Variants in DCHS2 observed in about 807,000 individuals in gnomAD.
The protein encoded by DCHS2 is protocadherin-23.
Under a neutral mutation model 182.4 loss-of-function variants are expected in DCHS2, and 142 were observed. The observed-to-expected ratio is 0.78, with a 90% CI of 0.68 to 0.89. The LOEUF (loss-of-function observed/expected upper bound fraction) is 0.89, where lower values mean the gene tolerates loss of function less well. Among genes scored for constraint, DCHS2 ranks in the 40% least tolerant of loss-of-function variants. The pLI is 0.00. For synonymous variants in DCHS2, 1,740 were observed against 1,663.3 expected (o/e 1.05, Z -1.12); for missense variants, 4,319 against 4,198.6 (o/e 1.03, Z -0.79).
intron 9 of DCHS2, among the ~76,000 whole-genome samples, chr4:154,318,246 T>C (rs1472826988): frequency 1.5e-4 from 22 of 151,244 alleles, no homozygotes; most frequent in Admixed American, 1.5e-3. Flanking sequence ...AGTATATACA[T>C]ATATACATAT....
intron 1 of DCHS2, among the ~76,000 whole-genome samples, chr4:154,422,281 A>T (rs767941958): frequency 2.0e-5 from 3 of 152,144 alleles, no homozygotes; most frequent in Non-Finnish European, 4.4e-5. Flanking sequence ...CATTCATCTG[A>T]GCTGTAGTAC....
Position 154,298,274 on chromosome 4 carries a change from T to C in DCHS2, c.6040A>G (p.Ile2014Val), listed in dbSNP as rs776652948. ...ACAGTGGTGCTTCGTGAACCCTGGA[T>C]GCTACAGTCTCTGGCCACAGCACTA... ...TFSAVARDCSIQGSRSTTVII... is the reference protein window; with the variant it reads ...TFSAVARDCSVQGSRSTTVII... The change falls in exon 13 of 20, where the codon ATC (isoleucine) becomes GTC (valine). Residue 2014 changes from isoleucine to valine, a missense_variant. Coordinates refer to ENST00000357232, the MANE Select transcript of DCHS2 (RefSeq NM_001358235.2). 3.7e-6 allele frequency: 6 copies of C among 1,614,208 alleles called. No individual in the cohort carries two copies. In the Admixed American group the frequency reaches 1.0e-4, roughly 27 times the overall value.
Position 154,489,382 on chromosome 4 carries a change from G to T in DCHS2, c.1974C>A (p.Asp658Glu). The T allele has an allele frequency of 6.4e-7, 1 of 1,551,452 alleles. No homozygotes were observed. Among genetic ancestry groups the T allele is most frequent in the Non-Finnish European group, 8.7e-7 (1 of 1,146,812 alleles). The change falls in exon 1 of 20, where the codon GAC becomes GAA. Residue 658 changes from aspartate to glutamate, a missense_variant. By Grantham distance (45) the Asp-to-Glu change is conservative (BLOSUM62 2). Coordinates refer to ENST00000357232, the MANE Select transcript of DCHS2 (RefSeq NM_001358235.2). ...LVSITVDDVN[D>E]NEPIFWRQVY... ...CCTGCCTCCAGAAGATGGGCTCATT[G>T]TCATTCACATCATCTACGGTGATGC...
At chr4:154,442,073 T>A (rs1734041093) in intron 1 of DCHS2, among the ~76,000 whole-genome samples, 1 of 152,158 alleles carries the variant, frequency 6.6e-6, no homozygotes, top group South Asian at 2.1e-4. Context: ...CATCATTATA[T>A]CATCGTCATC....
intron 13 of DCHS2, among the ~76,000 whole-genome samples, chr4:154,277,890 A>C (rs188346239): frequency 1.3e-5 from 2 of 152,026 alleles, no homozygotes; most frequent in Non-Finnish European, 2.9e-5. Flanking sequence ...AAAATAAAAA[A>C]ATTAGCTGGG....
At chr4:154,438,316 G>A (rs1053576961) in intron 1 of DCHS2, among the ~76,000 whole-genome samples, 1 of 152,178 alleles carries the variant, frequency 6.6e-6, no homozygotes, top group Non-Finnish European at 1.5e-5. Flanking sequence ...AATGGCAAGC[G>A]ATGCCCAAGA....
chr4:154,491,172 A>T lies in DCHS2; in HGVS notation c.184T>A (p.Ser62Thr). Residue 62 changes from serine to threonine, a missense_variant, in exon 1 of 20, where the codon TCC (serine) becomes ACC (threonine). Physicochemically the swap from Ser to Thr is moderately conservative, Grantham distance 58. Coordinates refer to ENST00000357232, the MANE Select transcript of DCHS2 (RefSeq NM_001358235.2). The stretch of plus-strand genomic sequence containing the variant: ...GTGAGGTTGAACAACTGGGCAGAGG[A>T]GCCCGAGGCCGCCCACAGCCACACG... Reference protein sequence around the residue: ...VHVWLWAASGSSAQLFNLTLS... With the variant: ...VHVWLWAASGTSAQLFNLTLS... 6.4e-7 allele frequency: 1 copy of T among 1,551,258 alleles called. No individual in the cohort carries two copies. The highest frequency in any genetic ancestry group is 8.7e-7 in the Non-Finnish European group (1 of 1,146,868).
chr4:154,302,420 A>T (rs952673559), intron 12 of DCHS2, among the ~76,000 whole-genome samples: 14 of 151,720 alleles, frequency 9.2e-5, no homozygotes, highest in Non-Finnish European at 1.9e-4. Context: ...CTCCCCTTAC[A>T]CACCTCACTC....
At chr4:154,367,228 T>C (rs1054816322) in intron 2 of DCHS2, among the ~76,000 whole-genome samples, 2 of 151,938 alleles carry the variant, frequency 1.3e-5, no homozygotes, top group South Asian at 2.1e-4. Context: ...AGCACAAGAG[T>C]GGCCTGATTT....
intron 12 of DCHS2, among the ~76,000 whole-genome samples, chr4:154,302,831 T>TAA (rs1735260461): frequency 6.8e-6 from 1 of 147,296 alleles, no homozygotes; most frequent in South Asian, 2.1e-4. Context: ...TATATACTTA[T>TAA]ATATATACAC....
intron 13 of DCHS2, among the ~76,000 whole-genome samples, chr4:154,282,981 TAGAAAC>T (rs1048276378): frequency 2.4e-4 from 37 of 152,254 alleles, no homozygotes; most frequent in African/African-American, 8.9e-4. Flanking sequence ...AATAGACTCT[TAGAAAC>T]AGAAAGTAGA....
chr4:154,251,164 C>T (rs1732335252), intron 16 of DCHS2, among the ~76,000 whole-genome samples: 1 of 152,200 alleles, frequency 6.6e-6, no homozygotes, highest in Non-Finnish European at 1.5e-5. Flanking sequence ...TTCTCCCAGT[C>T]ATAATGAGCA....
intron 1 of DCHS2, among the ~76,000 whole-genome samples, chr4:154,417,043 GC>G (rs555980567): frequency 1.2e-3 from 180 of 152,092 alleles, no homozygotes; most frequent in Non-Finnish European, 2.3e-3. Context: ...ACTAGGAGCT[GC>G]AACTACAACC....
intron 5 of DCHS2, chr4:154,331,864 T>C (rs77300771): frequency 0.034 from 25,910 of 772,548 alleles, 1,327 homozygotes; most frequent in African/African-American, 0.19. Context: ...CGTAAACTTA[T>C]ACAACATAAA....
rs1442573140 is a variant in DCHS2 at position 154,298,401 on chromosome 4, A to G, written c.5913T>C (p.Phe1971=). 1 of 1,614,200 alleles carries G rather than the reference A, an allele frequency of 6.2e-7. No homozygotes were observed. The highest frequency in any genetic ancestry group is 8.5e-7 in the Non-Finnish European group (1 of 1,180,022). Residue 1971 remains phenylalanine, a synonymous_variant, in exon 13 of 20, where the codon TTT becomes TTC. Coordinates refer to ENST00000357232, the MANE Select transcript of DCHS2 (RefSeq NM_001358235.2). ...ATGCACCAGAAGCCTCATCAGTCAG[A>G]AAATACTCAGTTTGCCCATTCAGGC... is the stretch of plus-strand genomic sequence containing the variant. ...DEGLNGQTEY[F]LTDEASGAFT...
At chr4:154,415,109 A>C (rs748495711) in intron 1 of DCHS2, among the ~76,000 whole-genome samples, 1 of 152,230 alleles carries the variant, frequency 6.6e-6, no homozygotes, top group African/African-American at 2.4e-5. Flanking sequence ...TCATTTAGTT[A>C]TACTACTGAA....
rs150202160 is a variant in DCHS2 at position 154,298,098 on chromosome 4, A to G, written c.6216T>C (p.Thr2072=). Residue 2072 remains threonine, a synonymous_variant, in exon 13 of 20, where the codon ACT becomes ACC. Transcript: ENST00000357232. ...ADDLDLGPNG[T]VVFSFAETQS... is the part of the protein sequence containing the mutation. ...GGGTCTCTGCAAAACTAAAAACCAC[A>G]GTTCCATTGGGCCCCAAGTCCAGGT... 451 of 1,614,166 alleles carry G rather than the reference A, an allele frequency of 2.8e-4. 2 individuals carry two copies. In the Middle Eastern group the frequency reaches 3.5e-3, roughly 12 times the overall value.
intron 4 of DCHS2, 125 bp from the exon 5 acceptor site, chr4:154,333,619 A>G: frequency 1.1e-6 from 1 of 890,246 alleles, no homozygotes; most frequent in Non-Finnish European, 1.7e-6. Flanking sequence ...TGGATCACAT[A>G]TACTATGATG....
At chr4:154,372,800 A>AGT (rs1413331062) in intron 2 of DCHS2, among the ~76,000 whole-genome samples, 1 of 152,200 alleles carries the variant, frequency 6.6e-6, no homozygotes, top group African/African-American at 2.4e-5. Flanking sequence ...GCAGCAGCAA[A>AGT]AATAGAGTAT....
Sources: gnomAD v4.1 joint callset for allele counts (sites outside exome capture counted in the v4.1 genomes callset) on GRCh38, gnomAD v4.1.1 for gene constraint, MANE v1.5 for transcripts, NCBI Gene and HGNC (gene_info 2026-07-23, HGNC 2026-07-21) for gene names.